The following SHISA6 variants were observed in gnomAD, a reference collection of about 807,000 sequenced individuals.
The protein encoded by SHISA6 is protein shisa-6.
A neutral mutation model predicts 47.9 loss-of-function variants in SHISA6; 22 were observed. The observed-to-expected ratio is 0.46, with a 90% CI of 0.33 to 0.66. The LOEUF is 0.66. SHISA6 is among the 30% of genes least tolerant of loss of function. The pLI is 0.02. For synonymous variants in SHISA6, 388 were observed against 337.8 expected, an observed-to-expected ratio of 1.15 and a Z score of -1.63; for missense variants, 680 against 764.6, an observed-to-expected ratio of 0.89 and a Z score of 1.30.
intron 3 of SHISA6, among the ~76,000 whole-genome samples, chr17:11,419,139 C>A (rs888005823): frequency 6.6e-6 from 1 of 151,774 alleles, no homozygotes; most frequent in African/African-American, 2.4e-5. Context: ...ATGGGTGCAG[C>A]ACACCAACGT....
intron 3 of SHISA6, among the ~76,000 whole-genome samples, chr17:11,438,680 A>C (rs1915009974): frequency 6.6e-6 from 1 of 152,228 alleles, no homozygotes; most frequent in South Asian, 2.1e-4. Context: ...AAATATAGTT[A>C]CACTGGGAGT....
chr17:11,277,241 T>TC (rs1908935584), intron 2 of SHISA6, among the ~76,000 whole-genome samples: 1 of 78,160 alleles, frequency 1.3e-5, no homozygotes, highest in South Asian at 5.5e-4. Context: ...CGGTTTCTCT[T>TC]TCTCTCTCTC....
intron 3 of SHISA6, among the ~76,000 whole-genome samples, chr17:11,425,721 G>T (rs929435364): frequency 1.3e-5 from 2 of 152,094 alleles, no homozygotes; most frequent in East Asian, 3.9e-4. Context: ...AAAATATTTT[G>T]TACTGTGTCT....
chr17:11,432,343 A>G (rs1221060561), intron 3 of SHISA6, among the ~76,000 whole-genome samples: 2 of 152,208 alleles, frequency 1.3e-5, no homozygotes, highest in Admixed American at 1.3e-4. Context: ...AAAACGCTCA[A>G]TTATCTGTAA....
intron 3 of SHISA6, among the ~76,000 whole-genome samples, chr17:11,525,444 C>T (rs565800602): frequency 1.6e-3 from 241 of 151,002 alleles, no homozygotes; most frequent in African/African-American, 4.7e-3. Flanking sequence ...ACCATCCTGG[C>T]AAACACGGTG....
chr17:11,376,842 G>A (rs1379434311), intron 2 of SHISA6, among the ~76,000 whole-genome samples: 2 of 152,166 alleles, frequency 1.3e-5, no homozygotes, highest in African/African-American at 4.8e-5. Context: ...AATGGAAATT[G>A]TCAGGCCTCT....
chr17:11,314,282 T>C (rs1283351328), intron 2 of SHISA6, among the ~76,000 whole-genome samples: 1 of 152,194 alleles, frequency 6.6e-6, no homozygotes, highest in African/African-American at 2.4e-5. Context: ...CATTTTTTCC[T>C]TTATTGGTGC....
At chr17:11,283,245 T>C (rs926057195) in intron 2 of SHISA6, among the ~76,000 whole-genome samples, 46 of 152,348 alleles carry the variant, frequency 3.0e-4, no homozygotes, top group African/African-American at 1.1e-3. Flanking sequence ...ACATAGTTTG[T>C]AAATGTATAT....
intron 3 of SHISA6, among the ~76,000 whole-genome samples, chr17:11,399,477 AGTG>A (rs1159735693): frequency 6.6e-6 from 1 of 152,154 alleles, no homozygotes. Flanking sequence ...GCTGGAGTGC[AGTG>A]GCACAATCTC....
At chr17:11,435,457 C>T (rs2969208) in intron 3 of SHISA6, among the ~76,000 whole-genome samples, 18,754 of 151,832 alleles carry the variant, frequency 0.12, 1,396 homozygotes, top group African/African-American at 0.19. Flanking sequence ...AATGACAATG[C>T]AAATAGGTTT....
Position 11,418,355 on chromosome 17 carries a change from A to G in SHISA6, c.895+38846A>G, listed in dbSNP as rs937242240. Among the ~76,000 whole-genome samples the G allele has an allele frequency of 1.3e-5, 2 of 152,058 alleles. 1 individual carries two copies. Among genetic ancestry groups the G allele is most frequent in the African/African-American group, 4.8e-5 (2 of 41,402 alleles). On this transcript the variant is annotated intron_variant, in intron 3 of 5. Transcript: ENST00000441885. ...GTATCCTTCTTTTTCACTCCATTGCATTGTCATGAGAGATTTCTTTGTTAC... is the reference window on the plus strand; with the variant it reads ...GTATCCTTCTTTTTCACTCCATTGCGTTGTCATGAGAGATTTCTTTGTTAC...
At chr17:11,459,450 A>C (rs1305478894) in intron 3 of SHISA6, among the ~76,000 whole-genome samples, 2 of 152,160 alleles carry the variant, frequency 1.3e-5, no homozygotes, top group South Asian at 4.1e-4. Context: ...TGTATGAGGC[A>C]GGTGTACAGG....
At chr17:11,435,859 G>A (rs900091853) in intron 3 of SHISA6, among the ~76,000 whole-genome samples, 1 of 152,124 alleles carries the variant, frequency 6.6e-6, no homozygotes, top group African/African-American at 2.4e-5. Context: ...TAAAGCATCA[G>A]GCCAACATGC....
chr17:11,452,815 CTCT>C (rs149873109), intron 3 of SHISA6, among the ~76,000 whole-genome samples: 10,202 of 150,502 alleles, frequency 0.068, 376 homozygotes, highest in Non-Finnish European at 0.076. Flanking sequence ...TTTTTTCCTC[CTCT>C]TATTCTCCTC....
At chr17:11,398,653 C>G (rs146119374) in intron 3 of SHISA6, among the ~76,000 whole-genome samples, 18 of 151,802 alleles carry the variant, frequency 1.2e-4, no homozygotes, top group Admixed American at 1.2e-3. Flanking sequence ...AGTACAGTAG[C>G]GCGATCTCAG....
At chr17:11,417,682 C>T (rs926236965) in intron 3 of SHISA6, among the ~76,000 whole-genome samples, 1 of 152,246 alleles carries the variant, frequency 6.6e-6, no homozygotes, top group African/African-American at 2.4e-5. Context: ...GGACCATCTT[C>T]TCAGCAGAGC....
At chr17:11,449,456 GAAAAAGAAA>G (rs1404792809) in intron 3 of SHISA6, among the ~76,000 whole-genome samples, 12 of 151,362 alleles carry the variant, frequency 7.9e-5, no homozygotes, top group African/African-American at 2.7e-4. Flanking sequence ...TAAAAAAAAA[GAAAAAGAAA>G]AAAAAGAAAA....
At position 11,329,046 on chromosome 17, in the gene SHISA6, A is replaced by G. The variant is rs193154371; in HGVS notation, c.800-50368A>G. The stretch of plus-strand genomic sequence containing the variant: ...TACTCAGTGGATGTTCAGGACATCC[A>G]TGCAGGCACATTGACTCATCTTAGC... On this transcript the variant is annotated intron_variant, in intron 2 of 5. Coordinates refer to ENST00000441885, the MANE Select transcript of SHISA6 (RefSeq NM_207386.4). Among the ~76,000 whole-genome samples the G allele has an allele frequency of 1.7e-3, 263 of 152,364 alleles. 2 individuals are homozygous for G. Among genetic ancestry groups the G allele is most frequent in the African/African-American group, 6.0e-3 (248 of 41,584 alleles).
rs1173537086 is a variant in SHISA6, at chr17:11,555,829, C to T, written c.1042C>T (p.Pro348Ser). The change falls in exon 5 of 6, where the codon CCC (proline) becomes TCC (serine). Residue 348 changes from proline to serine, a missense_variant. This residue lies in a region of SHISA6 where 559 missense variants were observed against 674.1 expected (regional missense o/e 0.83). Transcript: ENST00000441885. ...CTCGTTCCAGAACTTGGCCCACCTG[C>T]CCCCATCCTACGAGTCTGCAGTAAA... Reference protein sequence around the residue: ...SRSFQNLAHLPPSYESAVKTN... With the variant: ...SRSFQNLAHLSPSYESAVKTN... 1.3e-6 allele frequency: 2 copies of T among 1,551,802 alleles called. No individual in the cohort carries two copies. Among genetic ancestry groups the T allele is most frequent in the Non-Finnish European group, 1.7e-6 (2 of 1,146,956 alleles).
Sources: gnomAD v4.1 joint callset for allele counts (sites outside exome capture counted in the v4.1 genomes callset) on GRCh38, gnomAD v4.1.1 for gene constraint, gnomAD v4.1.1 regional missense constraint, MANE v1.5 for transcripts, NCBI Gene and HGNC (gene_info 2026-07-23, HGNC 2026-07-21) for gene names.